The following PTPRD variants were observed in gnomAD, a reference collection of about 807,000 sequenced individuals.
PTPRD encodes protein tyrosine phosphatase receptor type D.
A neutral mutation model predicts 214.5 loss-of-function variants in PTPRD; 34 were observed. The observed-to-expected ratio is 0.16, with a 90% confidence interval of 0.12 to 0.21. The LOEUF (loss-of-function observed/expected upper bound fraction) is 0.21. PTPRD is among the 10% of genes least tolerant of loss of function. PTPRD has a pLI of 1.00. For synonymous variants in PTPRD, 1,128 were observed against 845.7 expected (o/e 1.33, Z -5.79); for missense variants, 2,545 against 2,398.7 (o/e 1.06, Z -1.27).
chr9:10,043,784 G>A (rs990404192), intron 3 of PTPRD, among the ~76,000 whole-genome samples: 44 of 151,844 alleles, frequency 2.9e-4, no homozygotes, highest in Admixed American at 2.4e-3. Context: ...TTTCATGTAG[G>A]ATCTACCTGC....
At chr9:8,471,677 A>G (rs2096656517) in intron 30 of PTPRD, among the ~76,000 whole-genome samples, 2 of 152,118 alleles carry the variant, frequency 1.3e-5, no homozygotes, top group South Asian at 4.1e-4. Flanking sequence ...TACCGCAGAA[A>G]ATTGGAGAAA....
At chr9:9,000,860 A>G (rs1240987375) in intron 11 of PTPRD, among the ~76,000 whole-genome samples, 1 of 151,990 alleles carries the variant, frequency 6.6e-6, no homozygotes, top group Non-Finnish European at 1.5e-5. Flanking sequence ...ACAAACCACA[A>G]GAAATAACCA....
chr9:9,153,093 A>C (rs2099878263), intron 10 of PTPRD, among the ~76,000 whole-genome samples: 1 of 152,202 alleles, frequency 6.6e-6, no homozygotes, highest in Non-Finnish European at 1.5e-5. Context: ...CATTCTGGTT[A>C]GGAGGGGCAC....
chr9:9,516,051 A>C (rs2096829855), intron 8 of PTPRD, among the ~76,000 whole-genome samples: 1 of 152,142 alleles, frequency 6.6e-6, no homozygotes, highest in South Asian at 2.1e-4. Flanking sequence ...CTCAACATTC[A>C]AGCTTTTTGC....
At chr9:10,028,697 T>C (rs1353997912) in intron 4 of PTPRD, among the ~76,000 whole-genome samples, 1 of 152,166 alleles carries the variant, frequency 6.6e-6, no homozygotes, top group South Asian at 2.1e-4. Flanking sequence ...ATTTAGGCTA[T>C]CTGGCGGAAG....
rs202063290 is a variant in PTPRD, at chr9:9,311,855, T to G, written c.-203+85594A>C. 1.2e-4 allele frequency among the ~76,000 whole-genome samples: 19 copies of G among 152,286 alleles called. No individual in the cohort carries two copies. In the East Asian group the frequency reaches 3.7e-3, roughly 29 times the overall value. On this transcript the variant is annotated intron_variant, in intron 9 of 45. Coordinates refer to ENST00000381196, the MANE Select transcript of PTPRD (RefSeq NM_002839.4). ...TGACTGTATCCTAGGTAGATAAAAA[T>G]AGAATGTTTAAAGCAATTCATTAAA...
At chr9:10,097,219 G>A (rs180708992) in intron 3 of PTPRD, among the ~76,000 whole-genome samples, 1 of 149,208 alleles carries the variant, frequency 6.7e-6, no homozygotes, top group African/African-American at 2.5e-5. Context: ...TTGGTAATGC[G>A]GGCTCTTTTT....
chr9:10,383,896 A>G (rs1056327421), intron 2 of PTPRD, among the ~76,000 whole-genome samples: 28 of 151,762 alleles, frequency 1.8e-4, no homozygotes, highest in African/African-American at 6.8e-4. Flanking sequence ...CAAAAGAAAC[A>G]ATTTATCTAT....
intron 2 of PTPRD, among the ~76,000 whole-genome samples, chr9:10,343,107 C>T (rs889377019): frequency 1.3e-5 from 2 of 152,066 alleles, no homozygotes; most frequent in Non-Finnish European, 2.9e-5. Context: ...AGGTATTTCT[C>T]CTAATGCTAT....
In PTPRD at chr9:9,671,784, G is replaced by A. The variant is rs558052803; in HGVS notation, c.-287+62749C>T. On this transcript the variant is annotated intron_variant, in intron 7 of 45. Transcript: ENST00000381196. ...TTTCACCTCCCGCCATGATTCTAAG[G>A]CCTCCCAGCCATGTAGAACTGTAAG... Among the ~76,000 whole-genome samples the A allele has an allele frequency of 3.9e-5, 6 of 152,174 alleles. No individual in the cohort carries two copies. The South Asian group carries it at 6.2e-4, about 16-fold the overall frequency.
intron 11 of PTPRD, among the ~76,000 whole-genome samples, chr9:8,878,465 G>A (rs1369416174): frequency 6.6e-6 from 1 of 152,104 alleles, no homozygotes; most frequent in East Asian, 1.9e-4. Context: ...AAGGAGAAAA[G>A]AGAAGTGCTC....
intron 3 of PTPRD, among the ~76,000 whole-genome samples, chr9:10,086,378 C>T (rs1296904006): frequency 6.6e-6 from 1 of 151,602 alleles, no homozygotes; most frequent in East Asian, 2.0e-4. Flanking sequence ...CCTTTTCAGC[C>T]ACTGTGATTG....
intron 11 of PTPRD, among the ~76,000 whole-genome samples, chr9:8,789,974 A>G (rs555047955): frequency 9.9e-5 from 15 of 152,268 alleles, no homozygotes; most frequent in East Asian, 7.7e-4. Flanking sequence ...ACACTATACA[A>G]TACTATACAA....
chr9:8,797,086 G>A (rs2096451898), intron 11 of PTPRD: 1 of 151,956 alleles, frequency 6.6e-6, no homozygotes, highest in Non-Finnish European at 1.5e-5. Flanking sequence ...CTTACTATTA[G>A]TACATATTCA....
intron 2 of PTPRD, among the ~76,000 whole-genome samples, chr9:10,358,419 A>T (rs2097316258): frequency 6.6e-6 from 1 of 151,960 alleles, no homozygotes; most frequent in African/African-American, 2.4e-5. Context: ...TTATAATTTC[A>T]TTGATCAATG....
At chr9:8,676,820 C>T (rs1322087078) in intron 12 of PTPRD, among the ~76,000 whole-genome samples, 6 of 152,252 alleles carry the variant, frequency 3.9e-5, no homozygotes, top group African/African-American at 9.6e-5. Context: ...GTGATCCACC[C>T]GCCTTGGCCT....
At chr9:8,915,408 A>G (rs934988361) in intron 11 of PTPRD, among the ~76,000 whole-genome samples, 7 of 152,178 alleles carry the variant, frequency 4.6e-5, no homozygotes, top group Non-Finnish European at 1.0e-4. Flanking sequence ...ATATATAGAA[A>G]GTAAGATCAA....
Position 9,189,570 on chromosome 9 carries a change from A to ACACTTTATAATGATTTCT in PTPRD, c.-202-6225_-202-6208dup, listed in dbSNP as rs2099933846. 2.0e-5 allele frequency among the ~76,000 whole-genome samples: 3 copies of ACACTTTATAATGATTTCT among 152,048 alleles called. No individual in the cohort carries two copies. The South Asian group carries it at 6.2e-4, about 31-fold the overall frequency. ...TATGAGATGCTTCTATTATGTCTTAACACTTTATAATGATTTCTATTTTAT... is the reference window on the plus strand; with the variant it reads ...TATGAGATGCTTCTATTATGTCTTAACACTTTATAATGATTTCTCACTTTATAATGATTTCTATTTTAT... On this transcript the variant is annotated intron_variant, in intron 9 of 45. Coordinates refer to ENST00000381196, the MANE Select transcript of PTPRD (RefSeq NM_002839.4).
At chr9:9,991,842 AC>A (rs2095942316) in intron 4 of PTPRD, among the ~76,000 whole-genome samples, 2 of 146,962 alleles carry the variant, frequency 1.4e-5, no homozygotes, top group African/African-American at 2.7e-5. Flanking sequence ...CCACACACAC[AC>A]ACACACACAC....
Sources: allele counts gnomAD v4.1 joint callset (sites outside exome capture counted in the v4.1 genomes callset), GRCh38; gene constraint gnomAD v4.1.1; transcripts MANE v1.5; gene names NCBI Gene and HGNC (gene_info 2026-07-23, HGNC 2026-07-21).